Variants in CADM2 observed in about 807,000 individuals in gnomAD.
CADM2 encodes the protein cell adhesion molecule 2, also known as immunoglobulin superfamily member 4D.
CADM2 carries 12 observed loss-of-function variants against 49.8 expected under a neutral mutation model. The observed-to-expected ratio is 0.24, with a 90% CI of 0.15 to 0.39. The LOEUF (loss-of-function observed/expected upper bound fraction) is 0.39. Among genes scored for constraint, CADM2 ranks in the 10% least tolerant of loss-of-function variants. The pLI, the probability that CADM2 is intolerant of heterozygous loss-of-function variation, is 1.00. For synonymous variants in CADM2, 214 were observed against 175.4 expected (o/e 1.22, Z -1.74); for missense variants, 378 against 492.3 (o/e 0.77, Z 2.20).
intron 1 of CADM2, among the ~76,000 whole-genome samples, chr3:85,116,250 C>T (rs892266210): frequency 6.6e-5 from 10 of 152,138 alleles, no homozygotes; most frequent in Admixed American, 4.6e-4. Flanking sequence ...TCTCTTAAAC[C>T]GGGAGGCAGA....
At chr3:85,372,010 T>A (rs1209310161) in intron 1 of CADM2, among the ~76,000 whole-genome samples, 1 of 151,848 alleles carries the variant, frequency 6.6e-6, no homozygotes, top group East Asian at 1.9e-4. Flanking sequence ...TCTGTGGAGA[T>A]ATGAAATAAT....
At chr3:85,184,246 T>C (rs2041002145) in intron 1 of CADM2, among the ~76,000 whole-genome samples, 1 of 152,064 alleles carries the variant, frequency 6.6e-6, no homozygotes. Flanking sequence ...GATTTGTGAG[T>C]GTGTTTCCTA....
intron 1 of CADM2, among the ~76,000 whole-genome samples, chr3:85,304,557 C>T (rs2044170578): frequency 1.3e-5 from 2 of 151,702 alleles, no homozygotes; most frequent in Non-Finnish European, 3.0e-5. Flanking sequence ...TAGTCCTGTC[C>T]ACCAGAGGGC....
chr3:85,998,899 T>G (rs1331708182), intron 8 of CADM2, among the ~76,000 whole-genome samples: 1 of 152,118 alleles, frequency 6.6e-6, no homozygotes, highest in East Asian at 1.9e-4. Context: ...TTTTAACCAA[T>G]TAAGTAAGAA....
intron 8 of CADM2, among the ~76,000 whole-genome samples, chr3:86,033,057 C>T (rs1734736914): frequency 6.6e-6 from 1 of 151,786 alleles, no homozygotes; most frequent in Non-Finnish European, 1.5e-5. Context: ...TTGGCTCCTT[C>T]TTTCCCCACC....
intron 2 of CADM2, among the ~76,000 whole-genome samples, chr3:85,740,680 T>A (rs1375658936): frequency 1.3e-5 from 2 of 152,184 alleles, no homozygotes; most frequent in Non-Finnish European, 2.9e-5. Flanking sequence ...GAATTCACAT[T>A]GATATTTAAG....
rs1705026843 is a variant in CADM2, at chr3:86,068,624, T to G, written c.*1841T>G. 6.6e-6 allele frequency: 1 copy of G among 152,140 alleles called. No homozygotes were observed. Among genetic ancestry groups the G allele is most frequent in the Non-Finnish European group, 1.5e-5 (1 of 67,836 alleles). The allele number at this position is 152,140 out of a possible 1,614,324, so 9.4% of individuals were successfully genotyped here. On this transcript the variant is annotated 3_prime_UTR_variant, in exon 10 of 10. Coordinates refer to ENST00000383699, the MANE Select transcript of CADM2 (RefSeq NM_001167675.2). ...AAAAGTATAAATCTTTTAAGGAAAA[T>G]GTTAGAATTTTAAAGTTTTTTTTTG...
At chr3:85,803,938 T>C (rs1343462397) in intron 3 of CADM2, among the ~76,000 whole-genome samples, 1 of 152,144 alleles carries the variant, frequency 6.6e-6, no homozygotes, top group African/African-American at 2.4e-5. Context: ...AAATTTACTG[T>C]CATGGACAGT....
At chr3:85,871,387 T>G (rs2075921536) in intron 3 of CADM2, among the ~76,000 whole-genome samples, 1 of 152,102 alleles carries the variant, frequency 6.6e-6, no homozygotes, top group Non-Finnish European at 1.5e-5. Context: ...CCATTCACAG[T>G]TTTTCTAACA....
intron 3 of CADM2, among the ~76,000 whole-genome samples, chr3:85,854,006 C>T (rs2075208445): frequency 6.6e-6 from 1 of 152,102 alleles, no homozygotes; most frequent in Non-Finnish European, 1.5e-5. Context: ...AACTTTACAG[C>T]TTAGTAAAGG....
At chr3:85,553,734 A>G (rs1204174846) in intron 1 of CADM2, among the ~76,000 whole-genome samples, 1 of 152,162 alleles carries the variant, frequency 6.6e-6, no homozygotes. Context: ...TCTTATGTCA[A>G]TTCAGGCGTA....
intron 1 of CADM2, among the ~76,000 whole-genome samples, chr3:85,380,304 A>AT (rs1311840559): frequency 6.6e-6 from 1 of 151,914 alleles, no homozygotes; most frequent in African/African-American, 2.4e-5. Context: ...TAATCATAAG[A>AT]TTTTTTTATA....
intron 2 of CADM2, among the ~76,000 whole-genome samples, chr3:85,751,928 GACTAAT>G (rs1410875935): frequency 2.0e-5 from 3 of 151,992 alleles, no homozygotes; most frequent in African/African-American, 4.8e-5. Context: ...CCTTCGTAAG[GACTAAT>G]ACCTATGGTA....
intron 8 of CADM2, among the ~76,000 whole-genome samples, chr3:86,033,703 T>TTA (rs58168936): frequency 0.02 from 2,808 of 142,664 alleles, 36 homozygotes; most frequent in East Asian, 0.047. Context: ...GTTATTTGTT[T>TTA]TATATATATA....
intron 2 of CADM2, among the ~76,000 whole-genome samples, chr3:85,786,504 C>A (rs1432415718): frequency 6.6e-6 from 1 of 152,028 alleles, no homozygotes; most frequent in African/African-American, 2.4e-5. Flanking sequence ...TTAATGAAAT[C>A]TTTGTGCATT....
chr3:85,029,536 G>T (rs2034887793), intron 1 of CADM2, among the ~76,000 whole-genome samples: 1 of 152,186 alleles, frequency 6.6e-6, no homozygotes, highest in African/African-American at 2.4e-5. Flanking sequence ...TGGACAGTAT[G>T]AATTTGAAAG....
chr3:85,022,827 C>G (rs1483701845), intron 1 of CADM2, among the ~76,000 whole-genome samples: 1 of 152,096 alleles, frequency 6.6e-6, no homozygotes, highest in East Asian at 1.9e-4. Context: ...TACTCCTCAT[C>G]TAATTTTATC....
chr3:85,776,305 T>G (rs1406768677), intron 2 of CADM2, among the ~76,000 whole-genome samples: 4 of 149,962 alleles, frequency 2.7e-5, no homozygotes, highest in Non-Finnish European at 3.0e-5. Flanking sequence ...ACATTGTAAA[T>G]CTTAAGGAAA....
chr3:85,599,792 T>TA (rs1169145195), intron 1 of CADM2, among the ~76,000 whole-genome samples: 1 of 152,064 alleles, frequency 6.6e-6, no homozygotes, highest in Non-Finnish European at 1.5e-5. Context: ...CGATAAATTT[T>TA]AAAAAATATT....
Sources: gnomAD v4.1 joint callset for allele counts (sites outside exome capture counted in the v4.1 genomes callset) on GRCh38, gnomAD v4.1.1 for gene constraint, MANE v1.5 for transcripts, NCBI Gene and HGNC (gene_info 2026-07-23, HGNC 2026-07-21) for gene names.